The following ROS1 variants were observed in gnomAD, a reference collection of about 807,000 sequenced individuals.
The protein encoded by ROS1 is ROS proto-oncogene 1, receptor tyrosine kinase.
A neutral mutation model predicts 273.5 loss-of-function variants in ROS1; 263 were observed. The ratio of observed to expected loss-of-function variants is 0.96; its 90% CI spans 0.87 to 1.06. The LOEUF (loss-of-function observed/expected upper bound fraction) is 1.06, where lower values mean the gene tolerates loss of function less well. Among genes scored for constraint, ROS1 ranks in the 50% least tolerant of loss-of-function variants. ROS1 has a pLI of 0.00. For synonymous variants in ROS1, 1,008 were observed against 954.1 expected (o/e 1.06, Z -1.04); for missense variants, 2,833 against 2,751.1 (o/e 1.03, Z -0.67).
rs765131630 is a variant in ROS1, at chr6:117,362,701, T to C, written c.3268A>G (p.Asn1090Asp). Residue 1090 changes from asparagine to aspartate, a missense_variant, in exon 22 of 44, where the codon AAC becomes GAC. Asn to Asp is a conservative substitution (Grantham distance 23). Transcript: ENST00000368507. Reference protein sequence around the residue: ...FYNISNQSITNKTCEDWIAVN... With the variant: ...FYNISNQSITDKTCEDWIAVN... ...GCAATCCAGTCTTCACATGTTTTGT[T>C]TGTAATACTTTGATTGGATATATTG... The C allele has an allele frequency of 3.7e-6, 6 of 1,613,512 alleles. No individual in the cohort carries two copies. Among genetic ancestry groups the C allele is most frequent in the African/African-American group, 1.3e-5 (1 of 74,906 alleles).
chr6:117,373,700 C>T (rs532997102), intron 18 of ROS1, among the ~76,000 whole-genome samples: 100 of 152,202 alleles, frequency 6.6e-4, no homozygotes, highest in Non-Finnish European at 2.6e-4. Flanking sequence ...AGGGAGCTGG[C>T]TTCAGCCTCA....
intron 7 of ROS1, among the ~76,000 whole-genome samples, chr6:117,402,194 T>C (rs1257388768): frequency 6.6e-6 from 1 of 152,204 alleles, no homozygotes; most frequent in Non-Finnish European, 1.5e-5. Context: ...CCCATCTCTC[T>C]GACCTTAGCT....
At position 117,369,085 on chromosome 6, in the gene ROS1, T is replaced by C. The variant is rs114134918; in HGVS notation, c.2583-2795A>G. 2.6e-3 allele frequency among the ~76,000 whole-genome samples: 396 copies of C among 152,310 alleles called. 1 individual carries two copies. Among genetic ancestry groups the C allele is most frequent in the African/African-American group, 9.0e-3 (374 of 41,576 alleles). ...TAAACTAAAGGGAAGGAATTTTGATTATATGTTAGAAAATACTTTCTCCTT... is the reference window on the plus strand; with the variant it reads ...TAAACTAAAGGGAAGGAATTTTGATCATATGTTAGAAAATACTTTCTCCTT... On this transcript the variant is annotated intron_variant, in intron 18 of 43. Coordinates refer to ENST00000368507, the MANE Select transcript of ROS1 (RefSeq NM_001378902.1).
chr6:117,403,145 G>C lies in ROS1; in HGVS notation c.598C>G (p.His200Asp), dbSNP rs761479222. ...PPSPSYRTHP[H>D]GVPETAPLIR... ...AAATGTGTGCACACCATACCTCCAT[G>C]AGGATGAGTCCTGTAACTGGGACTT... Residue 200 changes from histidine (H) to aspartate (D), a missense_variant, in exon 7 of 44, where the codon CAT (histidine) becomes GAT (aspartate). Coordinates refer to ENST00000368507, the MANE Select transcript of ROS1 (RefSeq NM_001378902.1). 28 of 1,613,914 alleles carry C rather than the reference G, an allele frequency of 1.7e-5. No homozygotes were observed. In the Middle Eastern group the frequency reaches 5.0e-4, roughly 29 times the overall value.
At chr6:117,374,853 G>A (rs187395055) in intron 18 of ROS1, among the ~76,000 whole-genome samples, 1 of 152,326 alleles carries the variant, frequency 6.6e-6, no homozygotes, top group Admixed American at 6.5e-5. Context: ...CTGCTGATGG[G>A]AATGTAAACT....
chr6:117,387,324 T>G (rs992812072), intron 14 of ROS1, among the ~76,000 whole-genome samples: 1 of 152,196 alleles, frequency 6.6e-6, no homozygotes, highest in African/African-American at 2.4e-5. Flanking sequence ...ATGGTCTCAT[T>G]CAGAGCATCC....
At chr6:117,329,606 C>G (rs1776906691) in intron 32 of ROS1, among the ~76,000 whole-genome samples, 160 bp from the exon 33 acceptor site, 1 of 152,110 alleles carries the variant, frequency 6.6e-6, no homozygotes, top group African/African-American at 2.4e-5. Context: ...TTCAGAGGTT[C>G]CTATTGAAAA....
At chr6:117,380,498 A>ATT (rs3839365) in intron 17 of ROS1, among the ~76,000 whole-genome samples, 132 of 149,024 alleles carry the variant, frequency 8.9e-4, no homozygotes, top group African/African-American at 2.1e-3. Context: ...AGATCTATTG[A>ATT]TTTTTTTTTT....
At chr6:117,346,458 T>TA (rs930699801) in intron 27 of ROS1, among the ~76,000 whole-genome samples, 61 of 149,028 alleles carry the variant, frequency 4.1e-4, no homozygotes, top group Non-Finnish European at 7.3e-4. Context: ...AGTTCCAGTT[T>TA]AAAAAAAAAA....
chr6:117,403,328 T>C (rs1341856135), intron 6 of ROS1, 51 bp from the exon 7 acceptor site: 7 of 1,571,704 alleles, frequency 4.5e-6, no homozygotes, highest in South Asian at 1.2e-5. Flanking sequence ...GCACCCCACA[T>C]TGGGACTAAA....
chr6:117,416,947 C>A (rs1775383459), intron 2 of ROS1, among the ~76,000 whole-genome samples: 1 of 152,132 alleles, frequency 6.6e-6, no homozygotes, highest in Non-Finnish European at 1.5e-5. Context: ...TTCTTACTTC[C>A]TGCTCAGTCT....
At chr6:117,365,375 G>A (rs1780129896) in intron 20 of ROS1, among the ~76,000 whole-genome samples, 171 bp from the exon 21 acceptor site, 1 of 152,108 alleles carries the variant, frequency 6.6e-6, no homozygotes, top group African/African-American at 2.4e-5. Flanking sequence ...CAGTTAAAGT[G>A]TATCCAGCAC....
intron 5 of ROS1, 98 bp downstream of exon 5, chr6:117,409,484 A>G: frequency 1.2e-6 from 1 of 842,158 alleles, no homozygotes; most frequent in Non-Finnish European, 2.1e-6. Flanking sequence ...GAGATGCAGA[A>G]ATCAAGATGT....
chr6:117,327,882 T>G (rs1375797010), intron 33 of ROS1, among the ~76,000 whole-genome samples: 1 of 152,128 alleles, frequency 6.6e-6, no homozygotes, highest in East Asian at 1.9e-4. Context: ...CAGGAGGTGA[T>G]GATGACAGTG....
chr6:117,410,792 A>G (rs1410535678), intron 4 of ROS1, among the ~76,000 whole-genome samples: 1 of 152,226 alleles, frequency 6.6e-6, no homozygotes, highest in East Asian at 1.9e-4. Context: ...ATTGATCTGC[A>G]TACTAAAAGG....
At position 117,288,815 on chromosome 6, in the gene ROS1, TATGA is replaced by T. The variant is rs779306121; in HGVS notation, c.6716-17_6716-14del. ...TCGCCATCTTCACCTGTGAAAAAAA[TATGA>T]ATGTTATTCTAGCATGTATTTAATT... On this transcript the variant is annotated splice_polypyrimidine_tract_variant and intron_variant, in intron 43 of 43. Coordinates refer to ENST00000368507, the MANE Select transcript of ROS1 (RefSeq NM_001378902.1). 1 of 1,566,852 alleles carries T rather than the reference TATGA, an allele frequency of 6.4e-7. No individual in the cohort carries two copies. Among genetic ancestry groups the T allele is most frequent in the South Asian group, 1.2e-5 (1 of 84,506 alleles).
intron 39 of ROS1, among the ~76,000 whole-genome samples, chr6:117,312,732 C>T (rs1159289501): frequency 1.3e-5 from 2 of 152,072 alleles, no homozygotes; most frequent in Non-Finnish European, 2.9e-5. Context: ...TGTTGGGATA[C>T]CTCATCACTG....
intron 34 of ROS1, 70 bp from the exon 35 acceptor site, chr6:117,324,485 C>A (rs2128575468): frequency 1.4e-6 from 1 of 722,470 alleles, no homozygotes; most frequent in South Asian, 1.7e-5. Flanking sequence ...TCTACCTAAG[C>A]ACACAGAGTA....
intron 14 of ROS1, 32 bp from the exon 15 acceptor site, chr6:117,387,031 T>A: frequency 7.8e-7 from 1 of 1,277,050 alleles, no homozygotes; most frequent in Admixed American, 1.8e-5. Context: ...AAAAGAAACA[T>A]CAGGGAAAGC....
Sources: gnomAD v4.1 joint callset for allele counts (sites outside exome capture counted in the v4.1 genomes callset) on GRCh38, gnomAD v4.1.1 for gene constraint, MANE v1.5 for transcripts, NCBI Gene and HGNC (gene_info 2026-07-23, HGNC 2026-07-21) for gene names.